The following NUP210L variants were observed in gnomAD, a reference collection of about 807,000 sequenced individuals.
The protein encoded by NUP210L is nucleoporin 210 like.
NUP210L carries 74 observed loss-of-function variants against 208.5 expected under a neutral mutation model. That is an observed-to-expected ratio of 0.35 (90% CI 0.29 to 0.43). NUP210L has a LOEUF of 0.43. NUP210L is among the 20% of genes least tolerant of loss of function. The probability of loss-of-function intolerance (pLI) is 1.00; values close to 1 mark genes in which losing one functional copy is unlikely to be tolerated. For synonymous variants in NUP210L, 780 were observed against 816.9 expected, an observed-to-expected ratio of 0.95 and a Z score of 0.77; for missense variants, 1,843 against 2,289.4, an observed-to-expected ratio of 0.81 and a Z score of 3.98.
intron 8 of NUP210L, 30 bp from the exon 9 acceptor site, chr1:154,127,447 A>G: frequency 9.4e-7 from 1 of 1,058,460 alleles, no homozygotes. Flanking sequence ...CAAAAATATT[A>G]GAAGAGGCTA....
rs1649774259 is a variant in NUP210L at position 153,995,286 on chromosome 1, CTG to C, written c.5387-108_5387-107del. On this transcript the variant is annotated intron_variant, in intron 37 of 39. Transcript: ENST00000368559. ...TTTGAGACAGAGTTTTACTCTCACT[CTG>C]TCCCCCAGGCTGGAGGGCAGTGGTG... 4 of 772,892 alleles carry C rather than the reference CTG, an allele frequency of 5.2e-6. No individual in the cohort carries two copies. In the South Asian group the frequency reaches 6.6e-5, roughly 13 times the overall value. 47.9% of individuals were successfully genotyped at this position (772,892 alleles called of 1,614,324 possible).
chr1:154,022,100 G>T, intron 32 of NUP210L, 26 bp downstream of exon 32: 3 of 1,556,920 alleles, frequency 1.9e-6, no homozygotes, highest in Non-Finnish European at 2.7e-6. Context: ...TCAATTGTAA[G>T]TTTGAGAAAG....
intron 16 of NUP210L, among the ~76,000 whole-genome samples, chr1:154,071,711 C>A (rs771383042): frequency 2.1e-5 from 3 of 142,798 alleles, no homozygotes; most frequent in Non-Finnish European, 3.0e-5. Context: ...TTTTGGCTCA[C>A]TGCAACCTCC....
At chr1:154,028,101 G>GA (rs912838018) in intron 28 of NUP210L, among the ~76,000 whole-genome samples, 5 of 150,398 alleles carry the variant, frequency 3.3e-5, no homozygotes, top group Admixed American at 1.3e-4. Flanking sequence ...AACAGGAAAA[G>GA]AAAAAAAAAG....
intron 28 of NUP210L, among the ~76,000 whole-genome samples, chr1:154,028,312 C>T (rs144922609): frequency 0.013 from 1,970 of 152,262 alleles, 51 homozygotes; most frequent in African/African-American, 0.045. Flanking sequence ...ATCGGCTGGA[C>T]GCGGTGGCTC....
exon 26 of NUP210L, chr1:154,046,348 C>T (rs1442002255): frequency 3.7e-6 from 6 of 1,614,144 alleles, no homozygotes; most frequent in Non-Finnish European, 5.1e-6. Flanking sequence ...CTTAGCTGAA[C>T]AACTTCAATC....
intron 28 of NUP210L, among the ~76,000 whole-genome samples, 161 bp downstream of exon 28, chr1:154,029,735 A>T (rs1652106038): frequency 6.6e-6 from 1 of 152,152 alleles, no homozygotes; most frequent in Admixed American, 6.6e-5. Flanking sequence ...ATATACAAGC[A>T]ATTAGCAGGA....
chr1:154,132,216 CA>C (rs1658298512), intron 7 of NUP210L, among the ~76,000 whole-genome samples: 2 of 152,178 alleles, frequency 1.3e-5, no homozygotes, highest in South Asian at 4.1e-4. Context: ...TGTCTTTGGC[CA>C]AATTCTCTCA....
intron 9 of NUP210L, among the ~76,000 whole-genome samples, chr1:154,126,958 C>T (rs1658010331): frequency 6.6e-6 from 1 of 151,852 alleles, no homozygotes; most frequent in Admixed American, 6.6e-5. Flanking sequence ...TAGCATTCCT[C>T]AAGAACAGAA....
intron 12 of NUP210L, among the ~76,000 whole-genome samples, chr1:154,109,933 C>T (rs1407626043): frequency 6.6e-6 from 1 of 151,270 alleles, no homozygotes; most frequent in East Asian, 1.9e-4. Context: ...GTAATGAATG[C>T]CTACATCAAA....
chr1:154,037,654 G>C (rs575311351), intron 27 of NUP210L, among the ~76,000 whole-genome samples: 65 of 152,054 alleles, frequency 4.3e-4, no homozygotes, highest in African/African-American at 1.4e-3. Context: ...GCCACTCTAT[G>C]TCTTTTATTT....
intron 27 of NUP210L, among the ~76,000 whole-genome samples, chr1:154,040,793 A>T (rs900476021): frequency 2.0e-5 from 3 of 151,992 alleles, no homozygotes; most frequent in African/African-American, 7.2e-5. Flanking sequence ...GGGTTTCACC[A>T]TGTTAGCCAA....
At chr1:154,031,967 C>G (rs1208273282) in intron 27 of NUP210L, among the ~76,000 whole-genome samples, 1 of 151,942 alleles carries the variant, frequency 6.6e-6, no homozygotes, top group Non-Finnish European at 1.5e-5. Context: ...TGGGCTCAAG[C>G]CCTCCTCCCA....
intron 38 of NUP210L, among the ~76,000 whole-genome samples, chr1:153,993,418 T>A (rs1055896758): frequency 6.6e-6 from 1 of 151,888 alleles, no homozygotes; most frequent in Admixed American, 6.6e-5. Context: ...TATAAAAAAT[T>A]AGCTGGGCGT....
intron 34 of NUP210L, among the ~76,000 whole-genome samples, chr1:154,011,384 C>T (rs187165824): frequency 1.9e-3 from 296 of 151,862 alleles, no homozygotes; most frequent in African/African-American, 6.9e-3. Flanking sequence ...CCACTGCACC[C>T]GGCTAATTTT....
At chr1:154,104,289 T>A in intron 12 of NUP210L, 79 bp from the exon 13 acceptor site, 1 of 1,093,612 alleles carries the variant, frequency 9.1e-7, no homozygotes, top group Non-Finnish European at 1.4e-6. Flanking sequence ...GATGGCCAAA[T>A]AGAACCCTCC....
At position 154,061,573 on chromosome 1, in the gene NUP210L, A is replaced by T. The variant is rs758707073; in HGVS notation, c.2643+13T>A. On this transcript the variant is annotated intron_variant, in intron 18 of 39. Transcript: ENST00000368559. The stretch of plus-strand genomic sequence containing the variant: ...ATTTAATTTATATTTCTTACATTAT[A>T]ATCTCCACTCACTTTTGGGCTTTTC... 2 of 1,414,976 alleles carry T rather than the reference A, an allele frequency of 1.4e-6. No individual in the cohort carries two copies. Among genetic ancestry groups the T allele is most frequent in the East Asian group, 2.3e-5 (1 of 43,654 alleles). The allele number at this position is 1,414,976 out of a possible 1,614,324, so 87.7% of individuals were successfully genotyped here.
chr1:154,049,176 G>T (rs968027600), intron 25 of NUP210L, among the ~76,000 whole-genome samples: 1 of 152,140 alleles, frequency 6.6e-6, no homozygotes, highest in African/African-American at 2.4e-5. Flanking sequence ...TAAAGCCCCT[G>T]AAGTATATCA....
chr1:153,995,648 C>G (rs980958686), intron 37 of NUP210L: 3 of 1,314,438 alleles, frequency 2.3e-6, no homozygotes, highest in Non-Finnish European at 3.2e-6. Flanking sequence ...CAGCGTTTGA[C>G]ATACCAACGT....
Sources: gnomAD v4.1 joint callset for allele counts (sites outside exome capture counted in the v4.1 genomes callset) on GRCh38, gnomAD v4.1.1 for gene constraint, MANE v1.5 for transcripts, NCBI Gene and HGNC (gene_info 2026-07-23, HGNC 2026-07-21) for gene names.